SEC24A: variants seen among roughly 807,000 people sequenced by gnomAD.
The protein encoded by SEC24A is protein transport protein Sec24A.
A neutral mutation model predicts 129.4 loss-of-function variants in SEC24A; 93 were observed. The ratio of observed to expected loss-of-function variants is 0.72; its 90% CI spans 0.61 to 0.85. The LOEUF (loss-of-function observed/expected upper bound fraction) is 0.85. SEC24A is among the 40% of genes least tolerant of loss of function. SEC24A has a pLI of 0.00. For missense variants in SEC24A, 1,264 were observed against 1,307.4 expected (o/e 0.97, Z 0.51); for synonymous variants, 460 against 467.3 (o/e 0.98, Z 0.20).
rs555143336 is a variant in SEC24A at position 134,659,207 on chromosome 5, G to C, written c.98-1912G>C. ...CTGCCTCAGCCTCCCGAGTAGCTGGGACTACAGGCACCCGCCACCACGCTC... is the reference window on the plus strand; with the variant it reads ...CTGCCTCAGCCTCCCGAGTAGCTGGCACTACAGGCACCCGCCACCACGCTC... On this transcript the variant is annotated intron_variant, in intron 1 of 22. Coordinates refer to ENST00000398844, the MANE Select transcript of SEC24A (RefSeq NM_021982.3). Among the ~76,000 whole-genome samples, 1,145 of 151,852 alleles carry C rather than the reference G, an allele frequency of 7.5e-3. 12 individuals carry two copies. The highest frequency in any genetic ancestry group is 0.026 in the African/African-American group (1,087 of 41,422).
rs1344373631 is a variant in SEC24A, at chr5:134,692,868, G to T, written c.1779+211G>T. The T allele has an allele frequency of 5.6e-6, 4 of 714,710 alleles. No individual in the cohort carries two copies. The East Asian group carries it at 1.1e-4, about 19-fold the overall frequency. The allele number at this position is 714,710 out of a possible 1,614,324, so 44.3% of individuals were successfully genotyped here. ...TAATGAAGCAAGTTATTTGTAGTAG[G>T]GTAGAAAATAAGCATATTCCATAAA... is the stretch of plus-strand genomic sequence containing the variant. On this transcript the variant is annotated intron_variant, in intron 12 of 22. Transcript: ENST00000398844.
chr5:134,650,987 CTGA>C (rs1248723405), intron 1 of SEC24A, among the ~76,000 whole-genome samples: 3 of 151,788 alleles, frequency 2.0e-5, no homozygotes, highest in African/African-American at 7.3e-5. Context: ...GCTGGTCAGG[CTGA>C]TGTCAAACTC....
chr5:134,702,458 C>T (rs762130251), intron 15 of SEC24A, among the ~76,000 whole-genome samples: 2 of 152,198 alleles, frequency 1.3e-5, no homozygotes, highest in African/African-American at 2.4e-5. Context: ...GCGACACATA[C>T]ACTTTCACTT....
In SEC24A at chr5:134,725,020, A is replaced by C; in HGVS notation, c.3208A>C (p.Ile1070Leu). Reference protein sequence around the residue: ...PMKANFLQNMIEDRTESALSY... With the variant: ...PMKANFLQNMLEDRTESALSY... The stretch of plus-strand genomic sequence containing the variant: ...GAAAGCAAACTTCCTTCAAAACATG[A>C]TAGAAGACAGAACAGAATCTGCATT... The change falls in exon 23 of 23, where the codon ATA (isoleucine) becomes CTA (leucine). Residue 1070 changes from isoleucine to leucine, a missense_variant. Ile to Leu is a conservative substitution (Grantham distance 5). Coordinates refer to ENST00000398844, the MANE Select transcript of SEC24A (RefSeq NM_021982.3). The C allele has an allele frequency of 6.2e-7, 1 of 1,610,538 alleles. No individual in the cohort carries two copies.
rs1580667594 is a variant in SEC24A at position 134,648,920 on chromosome 5, T to G, written c.-157T>G. On this transcript the variant is annotated 5_prime_UTR_variant, in exon 1 of 23. Coordinates refer to ENST00000398844, the MANE Select transcript of SEC24A (RefSeq NM_021982.3). ...GTGGCCGCCGGTGGCCTGGGGAGAG[T>G]GCGGCGCCATGCCTCGGGCTTAATG... 1.8e-6 allele frequency: 1 copy of G among 549,200 alleles called. No homozygotes were observed. Among genetic ancestry groups the G allele is most frequent in the South Asian group, 2.4e-5 (1 of 42,424 alleles). 34.0% of individuals were successfully genotyped at this position (549,200 alleles called of 1,614,324 possible). A position where few individuals can be genotyped will look rare whatever the true frequency, so the allele number is the denominator to read the frequency against.
chr5:134,661,256 T>C lies in SEC24A; in HGVS notation c.235T>C (p.Ser79Pro). The change falls in exon 2 of 23, where the codon TCT (serine) becomes CCT (proline). Residue 79 changes from serine to proline, a missense_variant. Transcript: ENST00000398844. ...PVSGQSNYGG[S>P]QGSGQTLNRP... is the part of the protein sequence containing the mutation. ...CTCTGGACAGTCTAACTATGGTGGT[T>C]CTCAGGGATCTGGGCAGACTCTTAA... is the stretch of plus-strand genomic sequence containing the variant. 6.2e-7 allele frequency: 1 copy of C among 1,614,132 alleles called. No individual in the cohort carries two copies.
rs1752440835 is a variant in SEC24A, at chr5:134,715,164, A to G, written c.2865+3A>G. On this transcript the variant is annotated splice_donor_region_variant and intron_variant, in intron 19 of 22. Transcript: ENST00000398844. ...GAGTTGACAATCTCTCAGATGAGGT[A>G]AGATGGATTGCTTTTTTGTGGTTTT... is the stretch of plus-strand genomic sequence containing the variant. 4 of 1,608,070 alleles carry G rather than the reference A, an allele frequency of 2.5e-6. No individual in the cohort carries two copies. Among genetic ancestry groups the G allele is most frequent in the Non-Finnish European group, 1.7e-6 (2 of 1,178,398 alleles).
At chr5:134,669,224 T>A (rs1314246254) in intron 3 of SEC24A, among the ~76,000 whole-genome samples, 1 of 151,190 alleles carries the variant, frequency 6.6e-6, no homozygotes, top group Non-Finnish European at 1.5e-5. Context: ...TGGAGTGCAA[T>A]GGTGCGATCT....
At chr5:134,698,220 G>A (rs1751888903) in intron 15 of SEC24A, among the ~76,000 whole-genome samples, 163 bp downstream of exon 15, 1 of 151,998 alleles carries the variant, frequency 6.6e-6, no homozygotes, top group African/African-American at 2.4e-5. Flanking sequence ...AAAAAAGGGG[G>A]CCTATTGAGA....
chr5:134,661,685 A>G, intron 2 of SEC24A, 99 bp downstream of exon 2: 1 of 962,322 alleles, frequency 1.0e-6, no homozygotes, highest in Non-Finnish European at 1.5e-6. Flanking sequence ...CATATGGAAA[A>G]TGTGACTTTT....
chr5:134,665,598 C>T (rs1035043928), intron 2 of SEC24A, among the ~76,000 whole-genome samples: 2 of 151,558 alleles, frequency 1.3e-5, no homozygotes, highest in African/African-American at 4.9e-5. Context: ...CTCTTGTTGC[C>T]CAGGCTGGAG....
At chr5:134,699,728 TTCAC>T (rs1751945593) in intron 15 of SEC24A, among the ~76,000 whole-genome samples, 1 of 146,382 alleles carries the variant, frequency 6.8e-6, no homozygotes, top group African/African-American at 2.6e-5. Context: ...GAGCCAGAGT[TTCAC>T]TCTCTCGCCC....
At chr5:134,688,667 TTTTATTTATTTA>T (rs149900252) in intron 11 of SEC24A, among the ~76,000 whole-genome samples, 16 of 150,974 alleles carry the variant, frequency 1.1e-4, no homozygotes, top group East Asian at 5.8e-4. Flanking sequence ...AGTCAATTGA[TTTTATTTATTTA>T]TTTATTTATT....
At position 134,686,855 on chromosome 5, in the gene SEC24A, T is replaced by C; in HGVS notation, c.1557T>C (p.Thr519=). ...VFDVSHNAVE[T]GYLNSVCQSL... ...ATGTGTCTCACAATGCAGTCGAAAC[T>C]GGATACTTGAATTCAGTTTGCCAGA... Residue 519 remains threonine (T), a synonymous_variant, in exon 10 of 23, where the codon ACT becomes ACC. Transcript: ENST00000398844. The C allele has an allele frequency of 6.2e-7, 1 of 1,611,776 alleles. No homozygotes were observed. The highest frequency in any genetic ancestry group is 1.3e-5 in the African/African-American group (1 of 74,994).
In SEC24A at chr5:134,708,849, G is replaced by A; in HGVS notation, c.2688G>A (p.Leu896=). ...CTGGACTCATGGTTCCTTTTTCTTTGCGGCTTTTCCCACTTTTTGTGTTGG... is the reference window on the plus strand; with the variant it reads ...CTGGACTCATGGTTCCTTTTTCTTTACGGCTTTTCCCACTTTTTGTGTTGG... The part of the protein sequence containing the change: ...QQPGLMVPFS[L]RLFPLFVLAL... Residue 896 remains leucine (L), a synonymous_variant, in exon 18 of 23, where the codon TTG becomes TTA. Transcript: ENST00000398844. 1 of 1,613,468 alleles carries A rather than the reference G, an allele frequency of 6.2e-7. No individual in the cohort carries two copies. Among genetic ancestry groups the A allele is most frequent in the Non-Finnish European group, 8.5e-7 (1 of 1,179,866 alleles).
chr5:134,720,948 C>A, intron 20 of SEC24A, 50 bp from the exon 21 acceptor site: 2 of 988,302 alleles, frequency 2.0e-6, no homozygotes, highest in Non-Finnish European at 3.2e-6. Flanking sequence ...ACTCAACAGA[C>A]TCACCTTTAT....
At chr5:134,714,780 A>G (rs1334079665) in intron 18 of SEC24A, among the ~76,000 whole-genome samples, 1 of 152,228 alleles carries the variant, frequency 6.6e-6, no homozygotes, top group Non-Finnish European at 1.5e-5. Context: ...ACTAGGAAAC[A>G]GACACCATGG....
intron 16 of SEC24A, among the ~76,000 whole-genome samples, chr5:134,705,090 A>ATATATATATATATATATATATATATTT (rs1180461537): frequency 8.1e-6 from 1 of 123,304 alleles, no homozygotes; most frequent in Non-Finnish European, 1.7e-5. Flanking sequence ...ATATATATAT[A>ATATATATATATATATATATATATATTT]TTTTTTTTTT....
Position 134,727,802 on chromosome 5 carries a change from T to C in SEC24A, c.*2708T>C, listed in dbSNP as rs1752790746. On this transcript the variant is annotated 3_prime_UTR_variant, in exon 23 of 23. Transcript: ENST00000398844. ...ACAGTTTGTAATTTTCACTGTTTTA[T>C]TCCTGTTAAAAAAAAAAAAAAGTCA... 6.6e-6 allele frequency: 1 copy of C among 152,440 alleles called. No individual in the cohort carries two copies. Among genetic ancestry groups the C allele is most frequent in the Admixed American group, 6.5e-5 (1 of 15,268 alleles). The allele number at this position is 152,440 out of a possible 1,614,324, so 9.4% of individuals were successfully genotyped here.
Sources: allele counts gnomAD v4.1 joint callset (sites outside exome capture counted in the v4.1 genomes callset), GRCh38; gene constraint gnomAD v4.1.1; transcripts MANE v1.5; gene names NCBI Gene and HGNC (gene_info 2026-07-23, HGNC 2026-07-21).